Variants in BCKDHB observed in about 807,000 individuals in gnomAD.
BCKDHB encodes 2-oxoisovalerate dehydrogenase subunit beta, mitochondrial.
Under a neutral mutation model 48.5 loss-of-function variants are expected in BCKDHB, and 41 were observed. The ratio of observed to expected loss-of-function variants is 0.85; its 90% CI spans 0.66 to 1.10. The LOEUF is 1.10. BCKDHB is among the 50% of genes least tolerant of loss of function. The pLI is 0.00. For missense variants in BCKDHB, 496 were observed against 494.2 expected, an observed-to-expected ratio of 1.00 and a Z score of -0.03; for synonymous variants, 201 against 174.8, an observed-to-expected ratio of 1.15 and a Z score of -1.18.
intron 8 of BCKDHB, among the ~76,000 whole-genome samples, chr6:80,235,256 A>G (rs1302282194): frequency 6.6e-6 from 1 of 152,244 alleles, no homozygotes. Context: ...GTATCCAAAT[A>G]GCATATGTGC....
At chr6:80,458,306 A>G in the BCKDHB span, among the ~76,000 whole-genome samples, 3 of 152,242 alleles carry the variant, frequency 2.0e-5, no homozygotes, top group Non-Finnish European at 4.4e-5. Context: ...GGTCAAACAA[A>G]TAGCCAGAAT....
At chr6:80,122,180 C>G (rs1334030689) in intron 1 of BCKDHB, among the ~76,000 whole-genome samples, 1 of 152,034 alleles carries the variant, frequency 6.6e-6, no homozygotes, top group African/African-American at 2.4e-5. Context: ...GTTGAACCAG[C>G]CTTGCATCCC....
chr6:80,252,346 A>T (rs1053341503), intron 8 of BCKDHB, among the ~76,000 whole-genome samples: 1 of 152,204 alleles, frequency 6.6e-6, no homozygotes, highest in Non-Finnish European at 1.5e-5. Flanking sequence ...TATCGCTCAG[A>T]TCATTCAGAT....
intron 8 of BCKDHB, among the ~76,000 whole-genome samples, chr6:80,224,405 T>C (rs950681934): frequency 3.9e-5 from 6 of 152,172 alleles, no homozygotes; most frequent in Non-Finnish European, 8.8e-5. Context: ...CTTTCCTTTT[T>C]TTTTTAAAAC....
the BCKDHB span, among the ~76,000 whole-genome samples, chr6:80,425,390 T>A: frequency 6.6e-6 from 1 of 152,280 alleles, no homozygotes; most frequent in East Asian, 1.9e-4. Flanking sequence ...CCACCACACA[T>A]CACTGAGAAA....
the BCKDHB span, among the ~76,000 whole-genome samples, chr6:80,373,725 C>T: frequency 6.6e-6 from 1 of 152,022 alleles, no homozygotes; most frequent in East Asian, 1.9e-4. Context: ...GTGATACTTT[C>T]CTGTTGGACT....
chr6:80,356,469 A>C, the BCKDHB span: 3 of 152,212 alleles, frequency 2.0e-5, no homozygotes, highest in Admixed American at 6.5e-5. Context: ...ATTATGTAGC[A>C]AGATAGTAAC....
intron 6 of BCKDHB, among the ~76,000 whole-genome samples, chr6:80,190,906 C>T (rs769206560): frequency 4.6e-5 from 7 of 152,116 alleles, no homozygotes; most frequent in Non-Finnish European, 8.8e-5. Context: ...GAGGAGACTT[C>T]GCTGTGTTGC....
At chr6:80,369,558 C>CTAG in the BCKDHB span, among the ~76,000 whole-genome samples, 8 of 152,214 alleles carry the variant, frequency 5.3e-5, no homozygotes, top group Non-Finnish European at 1.2e-4. Flanking sequence ...AGGTCCATTT[C>CTAG]TAGCCACCTT....
chr6:80,285,235 C>T (rs1249252350), intron 9 of BCKDHB, among the ~76,000 whole-genome samples: 1 of 152,030 alleles, frequency 6.6e-6, no homozygotes, highest in African/African-American at 2.4e-5. Context: ...TCGCACAATT[C>T]TAAATTTTAT....
chr6:80,198,036 A>C (rs1365792594), intron 6 of BCKDHB, among the ~76,000 whole-genome samples: 4 of 152,186 alleles, frequency 2.6e-5, no homozygotes, highest in Non-Finnish European at 5.9e-5. Flanking sequence ...TGAATGGGCT[A>C]GAATTAACCT....
At chr6:80,279,984 C>G (rs1042736477) in intron 9 of BCKDHB, among the ~76,000 whole-genome samples, 20 of 152,140 alleles carry the variant, frequency 1.3e-4, no homozygotes, top group Non-Finnish European at 1.9e-4. Context: ...GTGGGTATTT[C>G]AGGCAGAATG....
intron 9 of BCKDHB, among the ~76,000 whole-genome samples, chr6:80,336,485 G>GTAAA (rs1279656607): frequency 2.3e-4 from 5 of 22,136 alleles, no homozygotes; most frequent in African/African-American, 6.3e-4. Context: ...AGAAATCTTA[G>GTAAA]CAAAAAAAAC....
At chr6:80,373,665 T>G in the BCKDHB span, among the ~76,000 whole-genome samples, 1 of 152,132 alleles carries the variant, frequency 6.6e-6, no homozygotes, top group Non-Finnish European at 1.5e-5. Flanking sequence ...ATAATAATTG[T>G]TTTTATAAAT....
intron 8 of BCKDHB, among the ~76,000 whole-genome samples, chr6:80,220,591 C>G (rs1562148421): frequency 6.6e-6 from 1 of 151,678 alleles, no homozygotes; most frequent in African/African-American, 2.4e-5. Context: ...ATGAGAAGTT[C>G]ATCCTTAGGC....
At chr6:80,256,682 G>A (rs769746329) in intron 8 of BCKDHB, among the ~76,000 whole-genome samples, 1 of 151,914 alleles carries the variant, frequency 6.6e-6, no homozygotes, top group African/African-American at 2.4e-5. Flanking sequence ...TTCTTCTTTG[G>A]TTCAGTTGCA....
intron 3 of BCKDHB, among the ~76,000 whole-genome samples, chr6:80,141,389 T>G (rs1771204835): frequency 6.6e-6 from 1 of 152,126 alleles, no homozygotes; most frequent in African/African-American, 2.4e-5. Flanking sequence ...AAAAATCTAT[T>G]TTTGTGATTC....
intron 3 of BCKDHB, among the ~76,000 whole-genome samples, chr6:80,136,847 A>C (rs1770912640): frequency 6.6e-6 from 1 of 152,162 alleles, no homozygotes; most frequent in Non-Finnish European, 1.5e-5. Flanking sequence ...CAGTATATAA[A>C]TTACCAGTGA....
At chr6:80,138,400 G>A (rs1004330641) in intron 3 of BCKDHB, among the ~76,000 whole-genome samples, 5 of 151,746 alleles carry the variant, frequency 3.3e-5, no homozygotes, top group South Asian at 4.2e-4. Flanking sequence ...CCACTAACTC[G>A]TCATCTAGCA....
Sources: gnomAD v4.1 joint callset for allele counts (sites outside exome capture counted in the v4.1 genomes callset) on GRCh38, gnomAD v4.1.1 for gene constraint, MANE v1.5 for transcripts, NCBI Gene and HGNC (gene_info 2026-07-23, HGNC 2026-07-21) for gene names.